Variants in PCDHA9 observed in about 807,000 individuals in gnomAD.
PCDHA9 encodes the protein protocadherin alpha 9.
PCDHA9 carries 62 observed loss-of-function variants against 62.0 expected under a neutral mutation model. The observed-to-expected ratio is 1.00, with a 90% confidence interval of 0.81 to 1.23. PCDHA9 has a LOEUF of 1.23. PCDHA9 is among the 50% of genes most tolerant of loss of function. The pLI, the probability that PCDHA9 is intolerant of heterozygous loss-of-function variation, is 0.00. For missense variants in PCDHA9, 1,205 were observed against 1,249.8 expected (o/e 0.96, Z 0.54); for synonymous variants, 557 against 567.6 (o/e 0.98, Z 0.27).
At chr5:140,983,740 C>A (rs1250895126) in intron 3 of PCDHA9, among the ~76,000 whole-genome samples, 1 of 152,190 alleles carries the variant, frequency 6.6e-6, no homozygotes, top group African/African-American at 2.4e-5. Context: ...GGCTGGCTTG[C>A]AATAATCCAT....
Position 140,848,934 on chromosome 5 carries a change from C to A in PCDHA9, c.439C>A (p.Pro147Thr). 6.2e-7 allele frequency: 1 copy of A among 1,607,578 alleles called. No homozygotes were observed. Among genetic ancestry groups the A allele is most frequent in the Non-Finnish European group, 8.5e-7 (1 of 1,176,910 alleles). Residue 147 changes from proline to threonine, a missense_variant, in exon 1 of 4, where the codon CCG (proline) becomes ACG (threonine). By Grantham distance (38) the Pro-to-Thr change is conservative. Around this residue, in one of 3 missense-constraint regions of PCDHA9, gnomAD observed 208 missense variants for 213.2 expected, o/e 0.98. Coordinates refer to ENST00000532602, the MANE Select transcript of PCDHA9 (RefSeq NM_031857.2). ...GAATCTGTTCATCGCGGAATCCAGG[C>A]CGCTTGACTCTCGGTTTCCACTAGA... is the stretch of plus-strand genomic sequence containing the variant. ...QKNLFIAESRPLDSRFPLEGA... is the reference protein window; with the variant it reads ...QKNLFIAESRTLDSRFPLEGA...
At chr5:140,945,722 A>G (rs2093833983) in intron 1 of PCDHA9, among the ~76,000 whole-genome samples, 1 of 152,110 alleles carries the variant, frequency 6.6e-6, no homozygotes, top group African/African-American at 2.4e-5. Context: ...TCAAGAATAT[A>G]CAATGGAAAA....
chr5:140,965,216 A>G (rs2095880887), intron 1 of PCDHA9, among the ~76,000 whole-genome samples: 1 of 152,224 alleles, frequency 6.6e-6, no homozygotes, highest in Non-Finnish European at 1.5e-5. Context: ...TTCCTGTGGA[A>G]GAAATGTGAG....
intron 3 of PCDHA9, among the ~76,000 whole-genome samples, chr5:140,982,785 G>A (rs1037904724): frequency 2.0e-5 from 3 of 151,236 alleles, no homozygotes; most frequent in African/African-American, 4.9e-5. Flanking sequence ...GTGTGTGCAC[G>A]CATGTGTGCA....
chr5:140,982,265 G>A lies in PCDHA9; in HGVS notation c.2454-210G>A, dbSNP rs2096974278. ...ATAAAGATAGAACATGTGTGTTCCT[G>A]GAATAGTATAGCAGGCAATAAGTAA... On this transcript the variant is annotated intron_variant, in intron 2 of 3. Transcript: ENST00000532602. 7 of 870,768 alleles carry A rather than the reference G, an allele frequency of 8.0e-6. No individual in the cohort carries two copies. In the Admixed American group the frequency reaches 1.6e-4, roughly 20 times the overall value. 53.9% of individuals were successfully genotyped at this position (870,768 alleles called of 1,614,324 possible).
intron 3 of PCDHA9, among the ~76,000 whole-genome samples, chr5:141,005,470 G>T (rs1563690887): frequency 6.6e-6 from 1 of 151,956 alleles, no homozygotes; most frequent in African/African-American, 2.4e-5. Flanking sequence ...TTGGGAGGCC[G>T]AGACGGGCGG....
intron 1 of PCDHA9, among the ~76,000 whole-genome samples, chr5:140,952,513 A>G (rs533436826): frequency 6.6e-6 from 1 of 152,028 alleles, no homozygotes; most frequent in Non-Finnish European, 1.5e-5. Flanking sequence ...CCTCATCTCC[A>G]TCTGAGACCT....
At chr5:140,868,885 TA>T in intron 1 of PCDHA9, 1 of 733,950 alleles carries the variant, frequency 1.4e-6, no homozygotes, top group East Asian at 2.8e-5. Flanking sequence ...CTCACAGTTT[TA>T]GGCGCAAGGT....
intron 1 of PCDHA9, among the ~76,000 whole-genome samples, chr5:140,905,536 T>A (rs1562950103): frequency 6.6e-6 from 1 of 152,286 alleles, no homozygotes; most frequent in East Asian, 1.9e-4. Flanking sequence ...TGGTTCCATA[T>A]GAACTTTAGG....
At chr5:140,904,957 A>G (rs2071509370) in intron 1 of PCDHA9, among the ~76,000 whole-genome samples, 1 of 152,156 alleles carries the variant, frequency 6.6e-6, no homozygotes, top group African/African-American at 2.4e-5. Flanking sequence ...TGTCTGATGC[A>G]GAATTTGTGA....
chr5:140,850,955 C>G (rs782006051), intron 1 of PCDHA9, 66 bp downstream of exon 1: 1 of 1,482,450 alleles, frequency 6.7e-7, no homozygotes, highest in African/African-American at 1.4e-5. Context: ...ATCGATTACT[C>G]CCAGGGGCCG....
At position 141,009,772 on chromosome 5, in the gene PCDHA9, C is replaced by G. The variant is rs782009776; in HGVS notation, c.2688C>G (p.Ile896Met). Residue 896 changes from isoleucine (I) to methionine (M), a missense_variant, in exon 4 of 4, where the codon ATC becomes ATG. By Grantham distance (10) the Ile-to-Met change is conservative (BLOSUM62 1). Transcript: ENST00000532602. ...TCATTATCCCAGGATCTCCTGCAAT[C>G]ATCTCCATCCGGCAGGAGCCTACTA... ...DKFIIPGSPA[I>M]ISIRQEPTNS... 4 of 1,614,158 alleles carry G rather than the reference C, an allele frequency of 2.5e-6. No individual in the cohort carries two copies. The East Asian group carries it at 8.9e-5, about 36-fold the overall frequency.
intron 3 of PCDHA9, among the ~76,000 whole-genome samples, chr5:141,006,540 A>T (rs868906531): frequency 1.6e-4 from 25 of 152,182 alleles, no homozygotes; most frequent in Admixed American, 3.3e-4. Context: ...AAAGAGAGAC[A>T]TTAAGAAATA....
intron 1 of PCDHA9, among the ~76,000 whole-genome samples, chr5:140,952,123 C>T (rs1182943342): frequency 6.6e-6 from 1 of 152,056 alleles, no homozygotes; most frequent in Non-Finnish European, 1.5e-5. Context: ...GATGGGCTCC[C>T]AAGGCCTTGG....
chr5:140,927,676 G>A (rs2084491623), intron 1 of PCDHA9: 1 of 1,614,192 alleles, frequency 6.2e-7, no homozygotes, highest in South Asian at 1.1e-5. Flanking sequence ...GGATCCAGAT[G>A]AAGGGTCCAA....
intron 3 of PCDHA9, among the ~76,000 whole-genome samples, chr5:140,998,588 G>A (rs1315091552): frequency 6.7e-6 from 1 of 148,536 alleles, no homozygotes; most frequent in African/African-American, 2.5e-5. Context: ...TTTTGAGACA[G>A]AGTTTTGCTC....
chr5:140,870,190 C>T (rs1554163883), intron 1 of PCDHA9: 15 of 1,614,174 alleles, frequency 9.3e-6, no homozygotes, highest in Non-Finnish European at 1.1e-5. Flanking sequence ...AGAGGACGCT[C>T]AGCCCAGCAC....
intron 1 of PCDHA9, among the ~76,000 whole-genome samples, chr5:140,961,780 C>T (rs1192795559): frequency 6.6e-6 from 1 of 152,052 alleles, no homozygotes; most frequent in African/African-American, 2.4e-5. Flanking sequence ...AGCTTAATGG[C>T]ACTTTTTAAA....
intron 1 of PCDHA9, among the ~76,000 whole-genome samples, chr5:140,915,401 A>G (rs536178543): frequency 1.3e-5 from 2 of 152,300 alleles, no homozygotes; most frequent in African/African-American, 4.8e-5. Flanking sequence ...TATTTCTTAT[A>G]GTCTTTGCAG....
Sources: allele counts gnomAD v4.1 joint callset (sites outside exome capture counted in the v4.1 genomes callset), GRCh38; gene constraint gnomAD v4.1.1; regional missense constraint gnomAD v4.1.1; transcripts MANE v1.5; gene names NCBI Gene and HGNC (gene_info 2026-07-23, HGNC 2026-07-21).